The following SOX6 variants were observed in gnomAD, a reference collection of about 807,000 sequenced individuals.
SOX6 encodes SRY-box transcription factor 6, also known as transcription factor SOX-6.
SOX6 carries 11 observed loss-of-function variants against 97.8 expected under a neutral mutation model. The ratio of observed to expected loss-of-function variants is 0.11; its 90% CI spans 0.07 to 0.19. The LOEUF (loss-of-function observed/expected upper bound fraction) is 0.19. Ranked by LOEUF, SOX6 falls within the 10% of genes least tolerant of loss-of-function variation. The probability of loss-of-function intolerance (pLI) is 1.00; values close to 1 mark genes in which losing one functional copy is unlikely to be tolerated. For synonymous variants in SOX6, 360 were observed against 371.4 expected, an observed-to-expected ratio of 0.97 and a Z score of 0.35; for missense variants, 810 against 1,039.5, an observed-to-expected ratio of 0.78 and a Z score of 3.04.
intron 3 of SOX6, among the ~76,000 whole-genome samples, chr11:16,617,187 A>G (rs1008886271): frequency 1.3e-5 from 2 of 151,860 alleles, no homozygotes; most frequent in Non-Finnish European, 3.0e-5. Flanking sequence ...AATGTTTTCT[A>G]TGAGTTTGAA....
At chr11:16,484,270 A>G in intron 4 of SOX6, 2 of 1,106,092 alleles carry the variant, frequency 1.8e-6, no homozygotes, top group Non-Finnish European at 2.8e-6. Flanking sequence ...TGTTGGTGTC[A>G]CTGGGAACCA....
intron 1 of SOX6, among the ~76,000 whole-genome samples, chr11:16,365,117 T>C (rs1857320109): frequency 6.6e-6 from 1 of 152,242 alleles, no homozygotes; most frequent in East Asian, 1.9e-4. Flanking sequence ...TGTTCCATTT[T>C]ATTGTTGTTG....
At chr11:16,487,391 A>C (rs1860453901) in intron 4 of SOX6, among the ~76,000 whole-genome samples, 1 of 152,168 alleles carries the variant, frequency 6.6e-6, no homozygotes, top group African/African-American at 2.4e-5. Context: ...ATAGGACAAC[A>C]AAGCATAATC....
At chr11:16,112,385 C>T (rs963938744) in intron 6 of SOX6, among the ~76,000 whole-genome samples, 1 of 151,990 alleles carries the variant, frequency 6.6e-6, no homozygotes, top group African/African-American at 2.4e-5. Context: ...GCTGTATCTC[C>T]CCAGTTTAGG....
At position 16,300,807 on chromosome 11, in the gene SOX6, G is replaced by T. The variant is rs1471313283; in HGVS notation, c.445+17639C>A. On this transcript the variant is annotated intron_variant, in intron 3 of 15. Coordinates refer to ENST00000683767, the MANE Select transcript of SOX6 (RefSeq NM_001367873.1). The surrounding 1 kb of genome is among the most constrained non-coding windows in gnomAD (Gnocchi z 4.1). Reference sequence around the variant, plus strand: ...CTAAGAAGAATACAGAGTTTTCTTTGGCCATTAAATGTTAAAGCCTGTGGG... The same window carrying T: ...CTAAGAAGAATACAGAGTTTTCTTTTGCCATTAAATGTTAAAGCCTGTGGG... Among the ~76,000 whole-genome samples, 1 of 152,064 alleles carries T rather than the reference G, an allele frequency of 6.6e-6. No individual in the cohort carries two copies. The highest frequency in any genetic ancestry group is 2.4e-5 in the African/African-American group (1 of 41,410).
intron 9 of SOX6, among the ~76,000 whole-genome samples, chr11:16,085,266 A>G (rs1182682574): frequency 6.6e-6 from 1 of 152,068 alleles, no homozygotes; most frequent in Non-Finnish European, 1.5e-5. Context: ...TATGGTGAGG[A>G]CTGGTTGGGG....
intron 4 of SOX6, among the ~76,000 whole-genome samples, chr11:16,224,899 C>T (rs901524657): frequency 6.6e-6 from 1 of 151,916 alleles, no homozygotes; most frequent in Admixed American, 6.6e-5. Context: ...ATATTGAGAT[C>T]CTTATATGAA....
At chr11:16,178,576 G>T (rs997297963) in intron 6 of SOX6, among the ~76,000 whole-genome samples, 10 of 152,026 alleles carry the variant, frequency 6.6e-5, no homozygotes, top group African/African-American at 2.2e-4. Context: ...GAAGCTAGGG[G>T]CTAATCCTAG....
At chr11:16,727,567 T>C (rs1160675906) in intron 2 of SOX6, among the ~76,000 whole-genome samples, 1 of 151,720 alleles carries the variant, frequency 6.6e-6, no homozygotes, top group African/African-American at 2.4e-5. Context: ...GTAGCTGGGA[T>C]TACAGGCACG....
At chr11:16,514,658 C>A (rs1860936894) in intron 4 of SOX6, among the ~76,000 whole-genome samples, 1 of 151,068 alleles carries the variant, frequency 6.6e-6, no homozygotes, top group Non-Finnish European at 1.5e-5. Flanking sequence ...AACTCGTCAT[C>A]TAGCATTAGG....
chr11:16,336,022 T>C (rs1420942299), intron 2 of SOX6, among the ~76,000 whole-genome samples: 2 of 152,170 alleles, frequency 1.3e-5, no homozygotes, highest in Admixed American at 1.3e-4. Flanking sequence ...TTTAAGTAGG[T>C]CTCTAAAATA....
intron 6 of SOX6, among the ~76,000 whole-genome samples, chr11:16,138,209 C>CA (rs1485366959): frequency 6.6e-6 from 1 of 152,026 alleles, no homozygotes; most frequent in Non-Finnish European, 1.5e-5. Flanking sequence ...GTCTACATTC[C>CA]AAAAAATAAG....
At chr11:16,361,075 T>C (rs565376912), upstream of SOX6, among the ~76,000 whole-genome samples, 2 of 152,084 alleles carry the variant, frequency 1.3e-5, no homozygotes, top group Non-Finnish European at 2.9e-5. Context: ...CCTGTATGTA[T>C]GGAGACTTTA....
intron 3 of SOX6, among the ~76,000 whole-genome samples, chr11:16,643,430 G>A (rs116035249): frequency 6.6e-6 from 1 of 152,186 alleles, no homozygotes; most frequent in Non-Finnish European, 1.5e-5. Flanking sequence ...AACCACCACT[G>A]TCTTCCAAGC....
chr11:16,134,667 G>A (rs941099484), intron 6 of SOX6, among the ~76,000 whole-genome samples: 2 of 152,180 alleles, frequency 1.3e-5, no homozygotes, highest in Middle Eastern at 3.4e-3. Flanking sequence ...AGTGATCTTT[G>A]TTGTTACTAT....
At chr11:16,208,551 CAA>C in intron 4 of SOX6, among the ~76,000 whole-genome samples, 1 of 152,202 alleles carries the variant, frequency 6.6e-6, no homozygotes, top group South Asian at 2.1e-4. Context: ...GACTGACAGA[CAA>C]AGAGTGGTTA....
intron 15 of SOX6, among the ~76,000 whole-genome samples, chr11:15,973,878 A>G (rs1254473021): frequency 6.6e-6 from 1 of 152,148 alleles, no homozygotes; most frequent in African/African-American, 2.4e-5. Context: ...TCATTCCTCC[A>G]TAATGTTACC....
At chr11:16,606,416 G>C (rs139521089) in intron 4 of SOX6, among the ~76,000 whole-genome samples, 81 of 152,122 alleles carry the variant, frequency 5.3e-4, no homozygotes, top group African/African-American at 1.7e-3. Context: ...ACCGCCTAGC[G>C]GTCCCATCTG....
intron 1 of SOX6, among the ~76,000 whole-genome samples, chr11:16,736,938 A>G (rs75933850): frequency 0.031 from 4,709 of 152,276 alleles, 117 homozygotes; most frequent in Non-Finnish European, 0.046. Flanking sequence ...TAACCCTGAC[A>G]TCTCTTTTTC....
Sources: allele counts gnomAD v4.1 joint callset (sites outside exome capture counted in the v4.1 genomes callset), GRCh38; gene constraint gnomAD v4.1.1; non-coding constraint Gnocchi (gnomAD v3.1); transcripts MANE v1.5; gene names NCBI Gene and HGNC (gene_info 2026-07-23, HGNC 2026-07-21).